Variants in TECPR2 observed in about 807,000 individuals in gnomAD.
The protein encoded by TECPR2 is tectonin beta-propeller repeat-containing protein 2.
TECPR2 carries 65 observed loss-of-function variants against 138.1 expected under a neutral mutation model. The observed-to-expected ratio is 0.47, with a 90% CI of 0.39 to 0.58. TECPR2 has a LOEUF of 0.58. Among genes scored for constraint, TECPR2 ranks in the 20% least tolerant of loss-of-function variants. The pLI, the probability that TECPR2 is intolerant of heterozygous loss-of-function variation, is 0.00. For missense variants in TECPR2, 1,553 were observed against 1,824.5 expected, an observed-to-expected ratio of 0.85 and a Z score of 2.71; for synonymous variants, 746 against 749.8, an observed-to-expected ratio of 0.99 and a Z score of 0.08.
chr14:102,382,496 T>A (rs1021659282), intron 2 of TECPR2, among the ~76,000 whole-genome samples: 6 of 152,148 alleles, frequency 3.9e-5, no homozygotes, highest in Non-Finnish European at 8.8e-5. Context: ...CCTCTCTCAA[T>A]AATAGAAGTA....
intron 17 of TECPR2, among the ~76,000 whole-genome samples, chr14:102,487,836 C>T (rs1375957069): frequency 1.1e-4 from 17 of 148,916 alleles, no homozygotes; most frequent in Admixed American, 8.8e-4. Flanking sequence ...CCACCACGCC[C>T]GGCCTGTTTG....
chr14:102,447,325 T>C (rs1890010030), intron 13 of TECPR2, among the ~76,000 whole-genome samples: 1 of 151,906 alleles, frequency 6.6e-6, no homozygotes, highest in African/African-American at 2.4e-5. Flanking sequence ...CCCAGGCTGG[T>C]CTCGAACTCC....
At chr14:102,445,996 G>A in intron 13 of TECPR2, 49 bp downstream of exon 13, 1 of 1,556,490 alleles carries the variant, frequency 6.4e-7, no homozygotes, top group Non-Finnish European at 8.7e-7. Flanking sequence ...GACCTTTTCT[G>A]CTTCCCCTTT....
chr14:102,427,476 T>A (rs1889354292), intron 6 of TECPR2, among the ~76,000 whole-genome samples: 1 of 152,168 alleles, frequency 6.6e-6, no homozygotes, highest in Non-Finnish European at 1.5e-5. Flanking sequence ...CAGCAGTCCA[T>A]CAGTTATTTA....
intron 17 of TECPR2, among the ~76,000 whole-genome samples, chr14:102,494,372 G>A (rs754801027): frequency 8.6e-5 from 13 of 152,046 alleles, no homozygotes; most frequent in South Asian, 2.1e-4. Flanking sequence ...GTGAAACCCC[G>A]TCTCTACTAA....
chr14:102,472,614 T>C (rs531758952), intron 17 of TECPR2, among the ~76,000 whole-genome samples: 1 of 152,346 alleles, frequency 6.6e-6, no homozygotes, highest in Admixed American at 6.5e-5. Flanking sequence ...ACAAAATGCT[T>C]TTCAAGTTGG....
intron 17 of TECPR2, among the ~76,000 whole-genome samples, chr14:102,475,830 C>G (rs1890745946): frequency 6.6e-6 from 1 of 152,066 alleles, no homozygotes; most frequent in East Asian, 1.9e-4. Flanking sequence ...AATTCATAGA[C>G]AGGACATTAA....
intron 7 of TECPR2, among the ~76,000 whole-genome samples, chr14:102,430,724 A>G (rs978892379): frequency 1.3e-5 from 2 of 152,216 alleles, no homozygotes; most frequent in Non-Finnish European, 1.5e-5. Flanking sequence ...GCTTGGGGAC[A>G]GGAGACAGGT....
chr14:102,452,096 G>T (rs1185930565), intron 15 of TECPR2, among the ~76,000 whole-genome samples: 2 of 152,214 alleles, frequency 1.3e-5, no homozygotes, highest in Admixed American at 1.3e-4. Flanking sequence ...CATGAAAAAT[G>T]GGAGGTCAAA....
Position 102,370,482 on chromosome 14 carries a change from G to T in TECPR2, c.-72-6168G>T, listed in dbSNP as rs142080331. ...CTCATGAGCTAAAGCAGATACGAAA[G>T]TGCCTGCCAGAGATAGGGAGTAGAA... On this transcript the variant is annotated intron_variant, in intron 1 of 19. Transcript: ENST00000359520. Among the ~76,000 whole-genome samples, 248 of 152,340 alleles carry T rather than the reference G, an allele frequency of 1.6e-3. 1 individual carries two copies. The highest frequency in any genetic ancestry group is 2.7e-3 in the Non-Finnish European group (185 of 68,028).
intron 7 of TECPR2, among the ~76,000 whole-genome samples, chr14:102,430,239 G>A (rs905854980): frequency 6.6e-6 from 1 of 152,170 alleles, no homozygotes; most frequent in African/African-American, 2.4e-5. Flanking sequence ...CTCCCAAAGT[G>A]ATGGGATTAC....
chr14:102,478,577 A>G (rs1381651308), intron 17 of TECPR2, among the ~76,000 whole-genome samples: 1 of 151,312 alleles, frequency 6.6e-6, no homozygotes, highest in Non-Finnish European at 1.5e-5. Flanking sequence ...GCTACTGGGG[A>G]GGTTGAGGCT....
chr14:102,374,577 CAT>C (rs1488527122), intron 1 of TECPR2, among the ~76,000 whole-genome samples: 1 of 151,970 alleles, frequency 6.6e-6, no homozygotes, highest in Non-Finnish European at 1.5e-5. Flanking sequence ...GCCTAGGCAA[CAT>C]AGTGAAACCC....
chr14:102,415,589 G>A lies in TECPR2; in HGVS notation c.638+796G>A, dbSNP rs1889001339. ...GATGGGGTGAGGAGGGGTAGGTAGA[G>A]CAGTGGAGCTGACCCCTCCTATGCC... On this transcript the variant is annotated intron_variant, in intron 5 of 19. Coordinates refer to ENST00000359520, the MANE Select transcript of TECPR2 (RefSeq NM_014844.5). The surrounding 1 kb of genome is among the most constrained non-coding windows in gnomAD (Gnocchi z 4.3). Among the ~76,000 whole-genome samples, 1 of 152,168 alleles carries A rather than the reference G, an allele frequency of 6.6e-6. No individual in the cohort carries two copies. Among genetic ancestry groups the A allele is most frequent in the Non-Finnish European group, 1.5e-5 (1 of 68,034 alleles).
At chr14:102,435,562 G>T (rs1444758009) in intron 9 of TECPR2, among the ~76,000 whole-genome samples, 2 of 152,340 alleles carry the variant, frequency 1.3e-5, no homozygotes, top group South Asian at 4.1e-4. Flanking sequence ...AAACCAGTGG[G>T]CAGAGGACTG....
intron 4 of TECPR2, among the ~76,000 whole-genome samples, chr14:102,414,167 A>T (rs1345449142): frequency 2.0e-5 from 3 of 152,224 alleles, no homozygotes; most frequent in Admixed American, 1.3e-4. Flanking sequence ...AGACTATAAT[A>T]TGAACTTACA....
chr14:102,425,677 G>A (rs1027844905), intron 6 of TECPR2, among the ~76,000 whole-genome samples: 1 of 151,736 alleles, frequency 6.6e-6, no homozygotes, highest in Non-Finnish European at 1.5e-5. Flanking sequence ...CCAGGTTCAA[G>A]CGATTCTCCT....
intron 16 of TECPR2, among the ~76,000 whole-genome samples, chr14:102,460,144 G>A (rs367845993): frequency 7.3e-5 from 11 of 151,618 alleles, no homozygotes; most frequent in Non-Finnish European, 1.5e-4. Context: ...GGTGGTGGGC[G>A]CTGTAGTCTC....
chr14:102,490,158 G>A (rs939947425), intron 17 of TECPR2, among the ~76,000 whole-genome samples: 10 of 152,212 alleles, frequency 6.6e-5, no homozygotes, highest in African/African-American at 2.2e-4. Flanking sequence ...CTTGGTCACT[G>A]TGAGCAAACA....
Sources: gnomAD v4.1 joint callset for allele counts (sites outside exome capture counted in the v4.1 genomes callset) on GRCh38, gnomAD v4.1.1 for gene constraint, Gnocchi (gnomAD v3.1) non-coding constraint, MANE v1.5 for transcripts, NCBI Gene and HGNC (gene_info 2026-07-23, HGNC 2026-07-21) for gene names.